UBE2E2: variants seen among roughly 807,000 people sequenced by gnomAD.
The protein encoded by UBE2E2 is ubiquitin conjugating enzyme E2 E2.
In UBE2E2, 6 loss-of-function variants were observed where a neutral mutation model predicts 24.7. The ratio of observed to expected loss-of-function variants is 0.24; its 90% confidence interval spans 0.13 to 0.48. The LOEUF (loss-of-function observed/expected upper bound fraction) is 0.48, where lower values mean the gene tolerates loss of function less well. UBE2E2 is among the 20% of genes least tolerant of loss of function. The pLI, the probability that UBE2E2 is intolerant of heterozygous loss-of-function variation, is 0.99. For missense variants in UBE2E2, 169 were observed against 245.0 expected (o/e 0.69, Z 2.07); for synonymous variants, 104 against 83.6 (o/e 1.24, Z -1.33).
intron 5 of UBE2E2, among the ~76,000 whole-genome samples, chr3:23,568,380 AT>A (rs1696126981): frequency 6.6e-6 from 1 of 151,954 alleles, no homozygotes; most frequent in African/African-American, 2.4e-5. Context: ...TGGAATAAAA[AT>A]TTTTTTGAAC....
chr3:23,273,543 A>AG lies in UBE2E2; in HGVS notation c.227+56231_227+56232insG, dbSNP rs1553595749. Among the ~76,000 whole-genome samples the AG allele has an allele frequency of 4.6e-5, 7 of 151,694 alleles. No homozygotes were observed. In the South Asian group the frequency reaches 1.3e-3, roughly 27 times the overall value. On this transcript the variant is annotated intron_variant, in intron 3 of 5. Transcript: ENST00000396703. ...GAGACTCCGTCTCAAAAAAAAAAAA[A>AG]AGAGAGAGAAATGATGTACAGCAGG...
At chr3:23,400,476 A>G (rs1051749769) in intron 3 of UBE2E2, among the ~76,000 whole-genome samples, 6 of 151,998 alleles carry the variant, frequency 3.9e-5, no homozygotes, top group African/African-American at 1.4e-4. Context: ...AGCTCTGCCC[A>G]TTTAATGTAT....
chr3:23,339,367 C>T (rs1433175762), intron 3 of UBE2E2, among the ~76,000 whole-genome samples: 1 of 151,948 alleles, frequency 6.6e-6, no homozygotes, highest in Non-Finnish European at 1.5e-5. Context: ...ATTAGTAGGA[C>T]AATTAACAAA....
Position 23,504,912 on chromosome 3 carries a change from C to CTTTTTTTTTTTTT in UBE2E2, c.360+5174_360+5186dup, listed in dbSNP as rs150970405. Among the ~76,000 whole-genome samples, 16 of 95,068 alleles carry CTTTTTTTTTTTTT rather than the reference C, an allele frequency of 1.7e-4. 1 individual carries two copies. Among genetic ancestry groups the CTTTTTTTTTTTTT allele is most frequent in the East Asian group, 3.4e-4 (1 of 2,932 alleles). 62.4% of individuals were successfully genotyped at this position (95,068 alleles called of 152,430 possible). A position where few individuals can be genotyped will look rare whatever the true frequency, so the allele number is the denominator to read the frequency against. On this transcript the variant is annotated intron_variant, in intron 4 of 5. Transcript: ENST00000396703. Reference sequence around the variant, plus strand: ...AATGTTTCTGTTTCAGACATTCTTTCTTTTTTTTTTTTTTGAGACAGGGTC... The same window carrying CTTTTTTTTTTTTT: ...AATGTTTCTGTTTCAGACATTCTTTCTTTTTTTTTTTTTTTTTTTTTTTTTTTGAGACAGGGTC...
At chr3:23,349,021 A>G (rs927744997) in intron 3 of UBE2E2, among the ~76,000 whole-genome samples, 8 of 152,176 alleles carry the variant, frequency 5.3e-5, no homozygotes, top group African/African-American at 1.9e-4. Context: ...AGGAGTTGAT[A>G]GTACTGAGTG....
rs576280473 is a variant in UBE2E2 at position 23,280,588 on chromosome 3, A to G, written c.227+63276A>G. ...TGGGAAGCCTGTTGACCCAACAGCA[A>G]CCCTGATGACCCAGTTGTCTTACTC... is the stretch of plus-strand genomic sequence containing the variant. On this transcript the variant is annotated intron_variant, in intron 3 of 5. Coordinates refer to ENST00000396703, the MANE Select transcript of UBE2E2 (RefSeq NM_152653.4). This position sits in a 1 kb window ranked among gnomAD's most constrained non-coding sequence, Gnocchi z 4.3. Among the ~76,000 whole-genome samples the G allele has an allele frequency of 2.0e-5, 3 of 152,272 alleles. No individual in the cohort carries two copies. The South Asian group carries it at 6.2e-4, about 32-fold the overall frequency.
rs996270263 is a variant in UBE2E2 at position 23,567,179 on chromosome 3, A to G, written c.509-22555A>G. Among the ~76,000 whole-genome samples, 6 of 152,238 alleles carry G rather than the reference A, an allele frequency of 3.9e-5. 1 individual carries two copies. Among genetic ancestry groups the G allele is most frequent in the South Asian group, 4.1e-4 (2 of 4,830 alleles). Reference sequence around the variant, plus strand: ...AGAAAGATGGAAAACAAGGTTCACAATATGCTTCCCGTGATGTGTTAGGAT... The same window carrying G: ...AGAAAGATGGAAAACAAGGTTCACAGTATGCTTCCCGTGATGTGTTAGGAT... On this transcript the variant is annotated intron_variant, in intron 5 of 5. Transcript: ENST00000396703.
chr3:23,425,902 C>T (rs957955649), intron 3 of UBE2E2, among the ~76,000 whole-genome samples: 4 of 152,078 alleles, frequency 2.6e-5, no homozygotes, highest in African/African-American at 9.7e-5. Flanking sequence ...ACAGAACAAG[C>T]AACAGAACCA....
At position 23,571,280 on chromosome 3, in the gene UBE2E2, C is replaced by CTTTCTTTTTTTTTTTTTTTT. The variant is rs1696218039; in HGVS notation, c.509-18451_509-18450insCTTTTTTTTTTTTTTTTTTT. Among the ~76,000 whole-genome samples, 22 of 29,884 alleles carry CTTTCTTTTTTTTTTTTTTTT rather than the reference C, an allele frequency of 7.4e-4. 3 individuals are homozygous for CTTTCTTTTTTTTTTTTTTTT. The highest frequency in any genetic ancestry group is 2.1e-3 in the Admixed American group (3 of 1,462). 19.6% of individuals were successfully genotyped at this position (29,884 alleles called of 152,430 possible). A position where few individuals can be genotyped will look rare whatever the true frequency, so the allele number is the denominator to read the frequency against. On this transcript the variant is annotated intron_variant, in intron 5 of 5. Transcript: ENST00000396703. ...AGTCCCCTCACCTGTGTGCTCCTTTCTTTTTTTTTTTTTTTTTTTTTTTTT... is the reference window on the plus strand; with the variant it reads ...AGTCCCCTCACCTGTGTGCTCCTTTCTTTCTTTTTTTTTTTTTTTTTTTTTTTTTTTTTTTTTTTTTTTTT...
intron 3 of UBE2E2, among the ~76,000 whole-genome samples, chr3:23,299,969 T>C (rs1559338917): frequency 6.6e-6 from 1 of 151,998 alleles, no homozygotes; most frequent in African/African-American, 2.4e-5. Flanking sequence ...TGGGTGCTCC[T>C]GTATTGGGTG....
Position 23,407,722 on chromosome 3 carries a change from C to T in UBE2E2, c.228-91886C>T, listed in dbSNP as rs1428353613. Among the ~76,000 whole-genome samples the T allele has an allele frequency of 1.3e-5, 2 of 149,384 alleles. No homozygotes were observed. The highest frequency in any genetic ancestry group is 2.5e-5 in the African/African-American group (1 of 40,596). On this transcript the variant is annotated intron_variant, in intron 3 of 5. Coordinates refer to ENST00000396703, the MANE Select transcript of UBE2E2 (RefSeq NM_152653.4). The surrounding 1 kb of genome is among the most constrained non-coding windows in gnomAD (Gnocchi z 4.0). ...TCAGAGAAAATCCCAGGCTTTATGC[C>T]GTTTTACTCCTAAACCTCTGTACAT...
At chr3:23,303,990 A>G (rs545309380) in intron 3 of UBE2E2, among the ~76,000 whole-genome samples, 2 of 152,204 alleles carry the variant, frequency 1.3e-5, no homozygotes, top group African/African-American at 4.8e-5. Flanking sequence ...TTCCCAGGGC[A>G]CTGGGCTTTA....
intron 3 of UBE2E2, among the ~76,000 whole-genome samples, chr3:23,291,579 C>T (rs923374537): frequency 2.0e-5 from 3 of 151,828 alleles, no homozygotes; most frequent in Non-Finnish European, 4.4e-5. Flanking sequence ...ACAGATTTAG[C>T]AGTCTAGGGC....
intron 3 of UBE2E2, among the ~76,000 whole-genome samples, chr3:23,470,017 G>A (rs1222424572): frequency 6.6e-6 from 1 of 152,158 alleles, no homozygotes; most frequent in Non-Finnish European, 1.5e-5. Context: ...TGAGTCTTTA[G>A]GTAAAGGAAG....
chr3:23,524,088 CATT>C (rs550358002), intron 4 of UBE2E2, among the ~76,000 whole-genome samples: 231 of 152,146 alleles, frequency 1.5e-3, no homozygotes, highest in African/African-American at 5.3e-3. Flanking sequence ...AATTGAAAAA[CATT>C]ATCATTGAAA....
chr3:23,319,178 G>T (rs1170499054), intron 3 of UBE2E2, among the ~76,000 whole-genome samples: 1 of 152,068 alleles, frequency 6.6e-6, no homozygotes, highest in African/African-American at 2.4e-5. Context: ...AAGTGAAATT[G>T]GTTAAAATCT....
rs942830728 is a variant in UBE2E2 at position 23,582,044 on chromosome 3, C to T, written c.509-7690C>T. On this transcript the variant is annotated intron_variant, in intron 5 of 5. Coordinates refer to ENST00000396703, the MANE Select transcript of UBE2E2 (RefSeq NM_152653.4). ...TAAGCATAGGTAGTTTTTCTATCCT[C>T]ACCCTTCTCCCACCCTCCACCCTCA... 2.0e-5 allele frequency among the ~76,000 whole-genome samples: 3 copies of T among 152,192 alleles called. No homozygotes were observed. The South Asian group carries it at 6.2e-4, about 32-fold the overall frequency.
At chr3:23,556,075 T>C (rs951022084) in intron 5 of UBE2E2, among the ~76,000 whole-genome samples, 3 of 151,894 alleles carry the variant, frequency 2.0e-5, no homozygotes, top group Non-Finnish European at 4.4e-5. Context: ...TTTGTTTCAC[T>C]GTAGTAACCA....
rs892203099 is a variant in UBE2E2 at position 23,516,067 on chromosome 3, A to C, written c.360+16327A>C. ...CACTCCAAAAAAGATGTTGAAGTAC[A>C]TGTGCATGCTTTGAAAGCTAACCTG... On this transcript the variant is annotated intron_variant, in intron 4 of 5. Transcript: ENST00000396703. Among the ~76,000 whole-genome samples the C allele has an allele frequency of 2.0e-5, 3 of 152,204 alleles. No homozygotes were observed. In the East Asian group the frequency reaches 5.8e-4, roughly 29 times the overall value.
Sources: gnomAD v4.1 joint callset for allele counts (sites outside exome capture counted in the v4.1 genomes callset) on GRCh38, gnomAD v4.1.1 for gene constraint, Gnocchi (gnomAD v3.1) non-coding constraint, MANE v1.5 for transcripts, NCBI Gene and HGNC (gene_info 2026-07-23, HGNC 2026-07-21) for gene names.